Variants in HMCN1 observed in about 807,000 individuals in gnomAD.
HMCN1 encodes hemicentin 1, also known as hemicentin-1.
In HMCN1, 321 loss-of-function variants were observed where a neutral mutation model predicts 625.9. That is an observed-to-expected ratio of 0.51 (90% CI 0.47 to 0.56). The LOEUF is 0.56. Ranked by LOEUF, HMCN1 falls within the 20% of genes least tolerant of loss-of-function variation. The pLI, the probability that HMCN1 is intolerant of heterozygous loss-of-function variation, is 0.00. For missense variants in HMCN1, 6,588 were observed against 6,887.3 expected (o/e 0.96, Z 1.54); for synonymous variants, 2,425 against 2,417.6 (o/e 1.00, Z -0.09).
intron 84 of HMCN1, 95 bp from the exon 85 acceptor site, chr1:186,130,412 C>T (rs372017606): frequency 2.3e-6 from 3 of 1,292,330 alleles, no homozygotes; most frequent in Non-Finnish European, 3.3e-6. Context: ...CTTTACTCCC[C>T]TCTTTACTAA....
intron 11 of HMCN1, among the ~76,000 whole-genome samples, chr1:185,940,328 G>A (rs1165230855): frequency 3.3e-5 from 5 of 152,014 alleles, no homozygotes; most frequent in Admixed American, 3.3e-4. Context: ...TCATGTATTA[G>A]TACTTTGATT....
At chr1:186,174,347 C>G (rs530968070) in intron 102 of HMCN1, among the ~76,000 whole-genome samples, 167 bp from the exon 103 acceptor site, 36 of 152,312 alleles carry the variant, frequency 2.4e-4, no homozygotes, top group African/African-American at 8.4e-4. Context: ...AGTGGCAGAG[C>G]TGGGACTTGA....
chr1:186,093,304 T>C (rs1189297675), intron 65 of HMCN1, 46 bp downstream of exon 65: 1 of 1,611,800 alleles, frequency 6.2e-7, no homozygotes, highest in Non-Finnish European at 8.5e-7. Context: ...GCCTTAAGAA[T>C]CTACCAGTAG....
chr1:185,915,401 TAAAGGAAACTCCCTGC>T (rs1666647834), intron 6 of HMCN1, among the ~76,000 whole-genome samples: 1 of 152,046 alleles, frequency 6.6e-6, no homozygotes, highest in South Asian at 2.1e-4. Context: ...CTCTGCTTTT[TAAAGGAAACTCCCTGC>T]AAAGACATTA....
At chr1:185,965,362 A>G (rs569732743) in intron 13 of HMCN1, among the ~76,000 whole-genome samples, 2 of 152,186 alleles carry the variant, frequency 1.3e-5, no homozygotes, top group East Asian at 1.9e-4. Flanking sequence ...CTACGGTTGT[A>G]TCATCCTCAA....
intron 1 of HMCN1, among the ~76,000 whole-genome samples, chr1:185,796,013 G>A (rs1658347102): frequency 6.6e-6 from 1 of 152,156 alleles, no homozygotes. Context: ...GATATCTTAT[G>A]TAGTGATAAA....
intron 1 of HMCN1, among the ~76,000 whole-genome samples, chr1:185,765,130 T>C (rs1220780602): frequency 6.6e-6 from 1 of 152,152 alleles, no homozygotes; most frequent in Non-Finnish European, 1.5e-5. Context: ...GTTTTGAGAA[T>C]TTAAATTGGG....
chr1:185,912,624 T>C lies in HMCN1; in HGVS notation c.900+844T>C, dbSNP rs569589333. Reference sequence around the variant, plus strand: ...AATCTAGTATCTGCATTTCTGTGTCTTGGAGGTTTTTTCCTAGAACAGGAA... The same window carrying C: ...AATCTAGTATCTGCATTTCTGTGTCCTGGAGGTTTTTTCCTAGAACAGGAA... On this transcript the variant is annotated intron_variant, in intron 6 of 106. Transcript: ENST00000271588. 3.3e-5 allele frequency among the ~76,000 whole-genome samples: 5 copies of C among 152,170 alleles called. No homozygotes were observed. In the East Asian group the frequency reaches 9.7e-4, roughly 29 times the overall value.
intron 1 of HMCN1, among the ~76,000 whole-genome samples, chr1:185,799,046 CT>C (rs1217654641): frequency 2.0e-5 from 3 of 151,892 alleles, no homozygotes; most frequent in African/African-American, 7.3e-5. Flanking sequence ...TTTTTTCTTC[CT>C]TTTTAGGATG....
chr1:186,186,994 TCA>T (rs371455899), intron 105 of HMCN1, among the ~76,000 whole-genome samples: 3,587 of 134,484 alleles, frequency 0.027, 74 homozygotes, highest in East Asian at 0.12. Context: ...TGTCTCTGTC[TCA>T]CACACACACA....
chr1:185,921,953 A>T (rs1667026258), intron 6 of HMCN1, among the ~76,000 whole-genome samples: 1 of 152,210 alleles, frequency 6.6e-6, no homozygotes, highest in Non-Finnish European at 1.5e-5. Flanking sequence ...GCAATGTCCT[A>T]GAGGCAAAGA....
intron 5 of HMCN1, among the ~76,000 whole-genome samples, chr1:185,910,882 T>C (rs1048221514): frequency 1.1e-4 from 17 of 152,124 alleles, no homozygotes; most frequent in Non-Finnish European, 2.5e-4. Context: ...CTTATTTCTT[T>C]ATATAACTGG....
intron 11 of HMCN1, among the ~76,000 whole-genome samples, chr1:185,955,625 TAGGC>T (rs1558092711): frequency 1.3e-5 from 2 of 152,222 alleles, no homozygotes. Context: ...ATACTACTGT[TAGGC>T]AGGTAATTTT....
intron 105 of HMCN1, among the ~76,000 whole-genome samples, chr1:186,187,472 T>A (rs1187775138): frequency 1.3e-5 from 2 of 152,202 alleles, no homozygotes; most frequent in Non-Finnish European, 2.9e-5. Context: ...ATCACTCACA[T>A]TTTAAGGAGA....
chr1:185,909,385 T>G lies in HMCN1; in HGVS notation c.670T>G (p.Leu224Val), dbSNP rs1406601210. ...EAVQASKVHL[L>V]STDHLEQAVN... ...AGTACAGGCCTCCAAAGTTCACCTT[T>G]TATCCACAGATCATTTGGAACAGGC... The change falls in exon 5 of 107, where the codon TTA becomes GTA. Residue 224 changes from leucine (L) to valine (V), a missense_variant. By Grantham distance (32) the Leu-to-Val change is conservative (BLOSUM62 1). This residue lies in a region of HMCN1 where 4,628 missense variants were observed against 4,853.1 expected (regional missense o/e 0.95). Coordinates refer to ENST00000271588, the MANE Select transcript of HMCN1 (RefSeq NM_031935.3). 6.2e-7 allele frequency: 1 copy of G among 1,613,372 alleles called. No individual in the cohort carries two copies.
At chr1:186,036,443 T>C (rs1411864404) in intron 36 of HMCN1, among the ~76,000 whole-genome samples, 2 of 152,006 alleles carry the variant, frequency 1.3e-5, no homozygotes, top group Admixed American at 1.3e-4. Flanking sequence ...AACCATCAGA[T>C]CCCATGAGAC....
At chr1:185,867,533 C>G (rs1475749704) in intron 4 of HMCN1, among the ~76,000 whole-genome samples, 2 of 152,150 alleles carry the variant, frequency 1.3e-5, no homozygotes, top group Admixed American at 1.3e-4. Flanking sequence ...TTCTCTCTTA[C>G]ATCAGCTTGT....
chr1:185,973,861 T>TA (rs1390881735), intron 15 of HMCN1, among the ~76,000 whole-genome samples: 1 of 152,128 alleles, frequency 6.6e-6, no homozygotes, highest in African/African-American at 2.4e-5. Context: ...GTTTGAGACT[T>TA]AGACTGTGGT....
At chr1:185,896,902 G>A (rs892427343) in intron 4 of HMCN1, among the ~76,000 whole-genome samples, 6 of 152,092 alleles carry the variant, frequency 3.9e-5, no homozygotes, top group South Asian at 4.2e-4. Context: ...TAACATTTTG[G>A]CTGAAGTAAA....
Sources: allele counts gnomAD v4.1 joint callset (sites outside exome capture counted in the v4.1 genomes callset), GRCh38; gene constraint gnomAD v4.1.1; regional missense constraint gnomAD v4.1.1; transcripts MANE v1.5; gene names NCBI Gene and HGNC (gene_info 2026-07-23, HGNC 2026-07-21).